HLF: variants seen among roughly 807,000 people sequenced by gnomAD.
The protein encoded by HLF is hepatic leukemia factor.
HLF carries 3 observed loss-of-function variants against 22.6 expected under a neutral mutation model. The observed-to-expected ratio is 0.13, with a 90% confidence interval of 0.06 to 0.34. HLF has a LOEUF of 0.34. Among genes scored for constraint, HLF ranks in the 10% least tolerant of loss-of-function variants. The probability of loss-of-function intolerance (pLI) is 1.00; values close to 1 mark genes in which losing one functional copy is unlikely to be tolerated. For missense variants in HLF, 299 were observed against 389.2 expected, an observed-to-expected ratio of 0.77 and a Z score of 1.95; for synonymous variants, 151 against 151.8, an observed-to-expected ratio of 0.99 and a Z score of 0.04.
intron 2 of HLF, among the ~76,000 whole-genome samples, chr17:55,275,642 A>G (rs951053023): frequency 1.3e-5 from 2 of 152,162 alleles, no homozygotes; most frequent in African/African-American, 4.8e-5. Flanking sequence ...CCTCTCCCCA[A>G]GGGGTTCTTT....
Position 55,265,410 on chromosome 17 carries a change from C to T in HLF, c.-75C>T, listed in dbSNP as rs1033788953. The T allele has an allele frequency of 3.6e-5, 32 of 878,486 alleles. No homozygotes were observed. Among genetic ancestry groups the T allele is most frequent in the Non-Finnish European group, 5.4e-5 (29 of 541,694 alleles). 54.4% of individuals were successfully genotyped at this position (878,486 alleles called of 1,614,324 possible). On this transcript the variant is annotated 5_prime_UTR_variant, in exon 1 of 4. Coordinates refer to ENST00000226067, the MANE Select transcript of HLF (RefSeq NM_002126.5). ...CTTTTGGCAAAGGACGGAGGAAAAG[C>T]TCAGCAACATTTTAGGGGGCGGTTG...
In HLF at chr17:55,310,841, C is replaced by T. The variant is rs142885609; in HGVS notation, c.452-4386C>T. On this transcript the variant is annotated intron_variant, in intron 2 of 3. Transcript: ENST00000226067. ...TAGCTTCCTATATAGCAGCAGTAAC[C>T]GCTTAGGAAATATAATAGGGTAATA... 9.3e-3 allele frequency among the ~76,000 whole-genome samples: 1,415 copies of T among 152,166 alleles called. 23 individuals are homozygous for T. Among genetic ancestry groups the T allele is most frequent in the African/African-American group, 0.032 (1,345 of 41,516 alleles).
At chr17:55,311,579 G>A (rs1287399019) in intron 2 of HLF, among the ~76,000 whole-genome samples, 1 of 152,174 alleles carries the variant, frequency 6.6e-6, no homozygotes, top group Non-Finnish European at 1.5e-5. Context: ...AAATCATATT[G>A]TGTGACACGT....
chr17:55,269,142 C>T (rs2080827121), intron 2 of HLF, among the ~76,000 whole-genome samples: 1 of 152,118 alleles, frequency 6.6e-6, no homozygotes, highest in African/African-American at 2.4e-5. Context: ...ATTTCTGTGG[C>T]ACATGGAGCA....
chr17:55,297,738 C>CTTTTTTTTTT (rs34900287), intron 2 of HLF, among the ~76,000 whole-genome samples: 2 of 62,890 alleles, frequency 3.2e-5, no homozygotes, highest in African/African-American at 6.9e-5. Context: ...AACAGCATTT[C>CTTTTTTTTTT]TTTTTTTTTT....
intron 2 of HLF, among the ~76,000 whole-genome samples, chr17:55,275,555 T>G (rs1164542042): frequency 6.6e-6 from 1 of 152,254 alleles, no homozygotes; most frequent in Non-Finnish European, 1.5e-5. Flanking sequence ...GTTATGGTGT[T>G]TCAGAAGGAG....
intron 3 of HLF, among the ~76,000 whole-genome samples, chr17:55,319,562 G>T (rs901874492): frequency 2.6e-5 from 4 of 152,088 alleles, no homozygotes; most frequent in African/African-American, 9.7e-5. Flanking sequence ...CAGCAGTGGG[G>T]GTGGAGGGCA....
intron 2 of HLF, among the ~76,000 whole-genome samples, chr17:55,277,185 A>C (rs2080911052): frequency 6.6e-6 from 1 of 151,626 alleles, no homozygotes. Flanking sequence ...AAATGCCTCT[A>C]TTTTATACAG....
At chr17:55,268,470 C>G (rs1277546515) in intron 2 of HLF, among the ~76,000 whole-genome samples, 1 of 152,186 alleles carries the variant, frequency 6.6e-6, no homozygotes, top group Non-Finnish European at 1.5e-5. Flanking sequence ...TCTTGTATCT[C>G]TTTTCCTCAT....
intron 3 of HLF, chr17:55,318,990 C>A (rs1334655262): frequency 6.6e-6 from 1 of 152,484 alleles, no homozygotes; most frequent in Non-Finnish European, 1.5e-5. Flanking sequence ...GCACACCTGC[C>A]CTAGCTTGCT....
rs1395152478 is a variant in HLF, at chr17:55,265,469, A to T, written c.-16A>T. ...TTATTTCTTTTTTTAAGGGGAAAAA[A>T]TTTGAGTGCATCGCGATGGAGAAAA... On this transcript the variant is annotated 5_prime_UTR_variant, in exon 1 of 4. Transcript: ENST00000226067. 1 of 1,475,070 alleles carries T rather than the reference A, an allele frequency of 6.8e-7. No individual in the cohort carries two copies. Among genetic ancestry groups the T allele is most frequent in the Non-Finnish European group, 9.5e-7 (1 of 1,056,698 alleles). 91.4% of individuals were successfully genotyped at this position (1,475,070 alleles called of 1,614,324 possible).
chr17:55,287,425 C>G (rs2081016079), intron 2 of HLF, among the ~76,000 whole-genome samples: 1 of 151,888 alleles, frequency 6.6e-6, no homozygotes, highest in South Asian at 2.1e-4. Context: ...TAGCCATGGT[C>G]ACTGTGTAAG....
intron 2 of HLF, among the ~76,000 whole-genome samples, chr17:55,276,459 C>T (rs970072686): frequency 1.3e-5 from 2 of 152,156 alleles, no homozygotes; most frequent in Admixed American, 6.5e-5. Flanking sequence ...TAAGAGCTGC[C>T]AGACCTCACA....
chr17:55,319,459 C>T (rs1905187335), intron 3 of HLF, among the ~76,000 whole-genome samples: 1 of 152,134 alleles, frequency 6.6e-6, no homozygotes, highest in Non-Finnish European at 1.5e-5. Flanking sequence ...TTGCAAAATT[C>T]ACCAGGTGCC....
chr17:55,298,311 C>T (rs1361253255), intron 2 of HLF, among the ~76,000 whole-genome samples: 3 of 152,166 alleles, frequency 2.0e-5, no homozygotes, highest in Non-Finnish European at 4.4e-5. Context: ...ACCACGGTGG[C>T]ATTTCCTTCT....
chr17:55,308,778 T>A (rs968639448), intron 2 of HLF, among the ~76,000 whole-genome samples: 4 of 152,314 alleles, frequency 2.6e-5, no homozygotes, highest in African/African-American at 9.6e-5. Context: ...TACCAGACAA[T>A]CACAGAAACT....
intron 3 of HLF, among the ~76,000 whole-genome samples, chr17:55,319,545 A>G (rs1428109237): frequency 6.8e-6 from 1 of 146,866 alleles, no homozygotes; most frequent in Non-Finnish European, 1.5e-5. Context: ...CCTTTCTGTC[A>G]GGGAGGCAGC....
rs186463936 is a variant in HLF, at chr17:55,269,439, A to G, written c.451+1353A>G. On this transcript the variant is annotated intron_variant, in intron 2 of 3. Transcript: ENST00000226067. ...CAATTTTTTTGTAGGAACAAGCAAC[A>G]AAATGAATAACCCTTCAAAGTGGGA... 8.4e-4 allele frequency among the ~76,000 whole-genome samples: 128 copies of G among 152,322 alleles called. 1 individual carries two copies. In the Middle Eastern group the frequency reaches 0.024, roughly 28 times the overall value.
At chr17:55,306,792 A>G (rs966693719) in intron 2 of HLF, among the ~76,000 whole-genome samples, 8 of 150,310 alleles carry the variant, frequency 5.3e-5, no homozygotes, top group African/African-American at 1.5e-4. Context: ...CTTTCCTTCC[A>G]TAATACCTTT....
Sources: gnomAD v4.1 joint callset for allele counts (sites outside exome capture counted in the v4.1 genomes callset) on GRCh38, gnomAD v4.1.1 for gene constraint, MANE v1.5 for transcripts, NCBI Gene and HGNC (gene_info 2026-07-23, HGNC 2026-07-21) for gene names.